MYZAP: variants seen among roughly 807,000 people sequenced by gnomAD.
The protein encoded by MYZAP is GRINL1A complex locus upstream.
Under a neutral mutation model 69.4 loss-of-function variants are expected in MYZAP, and 66 were observed. The observed-to-expected ratio is 0.95, with a 90% CI of 0.78 to 1.17. The LOEUF is 1.17. Among genes scored for constraint, MYZAP ranks in the 50% most tolerant of loss-of-function variants. MYZAP has a pLI of 0.00. For missense variants in MYZAP, 611 were observed against 556.2 expected (o/e 1.10, Z -0.99); for synonymous variants, 256 against 205.9 (o/e 1.24, Z -2.09).
rs71950892 is a variant in MYZAP, at chr15:57,680,485, TCACA to T, written c.1305-3888_1305-3885del. ...GGGGACTCACTGTGGGTTCAGGAGT[TCACA>T]CACACACACACACACACACACACAC... is the stretch of plus-strand genomic sequence containing the variant. On this transcript the variant is annotated intron_variant, in intron 12 of 12. Transcript: ENST00000267853. Among the ~76,000 whole-genome samples, 448 of 142,252 alleles carry T rather than the reference TCACA, an allele frequency of 3.1e-3. 2 individuals carry two copies. The highest frequency in any genetic ancestry group is 4.2e-3 in the East Asian group (21 of 5,038). 93.3% of individuals were successfully genotyped at this position (142,252 alleles called of 152,430 possible).
rs753815806 is a variant in MYZAP at position 57,625,787 on chromosome 15, T to C, written c.420T>C (p.His140=). The C allele has an allele frequency of 3.1e-6, 5 of 1,614,222 alleles. No individual in the cohort carries two copies. Among genetic ancestry groups the C allele is most frequent in the East Asian group, 4.5e-5 (2 of 44,892 alleles). ...CTCCTCGATCTGTCCAGGTTTCCCATGCTCAGCAGGAGTATCTGGAGAATC... is the reference window on the plus strand; with the variant it reads ...CTCCTCGATCTGTCCAGGTTTCCCACGCTCAGCAGGAGTATCTGGAGAATC... ...RQLTQELSVS[H]AQQEYLENHI... The change falls in exon 5 of 13, where the codon CAT becomes CAC. Residue 140 remains histidine (H), a synonymous_variant. Coordinates refer to ENST00000267853, the MANE Select transcript of MYZAP (RefSeq NM_001018100.5).
At chr15:57,653,882 G>A (rs1355183440) in intron 10 of MYZAP, among the ~76,000 whole-genome samples, 1 of 151,614 alleles carries the variant, frequency 6.6e-6, no homozygotes, top group Non-Finnish European at 1.5e-5. Context: ...GATCACACCT[G>A]TAATCCTAGC....
chr15:57,667,517 C>G (rs2038638808), intron 11 of MYZAP, among the ~76,000 whole-genome samples: 1 of 152,158 alleles, frequency 6.6e-6, no homozygotes, highest in Non-Finnish European at 1.5e-5. Context: ...TTTTTTGTAG[C>G]ACAGTCCAGG....
chr15:57,646,942 T>C, intron 10 of MYZAP: 1 of 985,404 alleles, frequency 1.0e-6, no homozygotes, highest in Non-Finnish European at 1.2e-6. Context: ...GCTGCAGGCA[T>C]TGGTGTTTTA....
rs150030731 is a variant in MYZAP at position 57,594,722 on chromosome 15, C to T, written c.75+2613C>T. ...ATGCATTTCTCAGAGTGCATCTCCA[C>T]GGTTAAGTGACACATGACTACTTTA... is the stretch of plus-strand genomic sequence containing the variant. On this transcript the variant is annotated intron_variant, in intron 1 of 12. Coordinates refer to ENST00000267853, the MANE Select transcript of MYZAP (RefSeq NM_001018100.5). 3.9e-5 allele frequency among the ~76,000 whole-genome samples: 6 copies of T among 152,234 alleles called. No individual in the cohort carries two copies. The East Asian group carries it at 9.6e-4, about 24-fold the overall frequency.
intron 10 of MYZAP, among the ~76,000 whole-genome samples, chr15:57,651,497 T>C (rs1382347165): frequency 6.6e-6 from 1 of 152,122 alleles, no homozygotes; most frequent in Non-Finnish European, 1.5e-5. Context: ...CTGCCAACTC[T>C]CCAGGCCAGC....
chr15:57,600,331 G>A (rs79499656), intron 1 of MYZAP, among the ~76,000 whole-genome samples: 2,415 of 152,270 alleles, frequency 0.016, 61 homozygotes, highest in African/African-American at 0.052. Flanking sequence ...CTTCAGACAG[G>A]GTGCTGCAGT....
chr15:57,683,129 A>T (rs2733611), intron 12 of MYZAP, among the ~76,000 whole-genome samples: 7,437 of 152,202 alleles, frequency 0.049, 520 homozygotes, highest in African/African-American at 0.15. Flanking sequence ...TTGCCTGAGG[A>T]GGCAGGGGAG....
intron 6 of MYZAP, among the ~76,000 whole-genome samples, chr15:57,632,033 C>A (rs893890207): frequency 2.0e-5 from 3 of 152,152 alleles, no homozygotes; most frequent in Non-Finnish European, 2.9e-5. Flanking sequence ...TGGAATGTTT[C>A]CAAAAGCAAC....
chr15:57,675,094 T>C, intron 12 of MYZAP, 26 bp downstream of exon 12: 1 of 1,584,736 alleles, frequency 6.3e-7, no homozygotes, highest in Non-Finnish European at 8.6e-7. Flanking sequence ...CTGATTTTTT[T>C]TTTTATTCAA....
chr15:57,592,981 C>G (rs2033781622), intron 1 of MYZAP, among the ~76,000 whole-genome samples: 1 of 152,132 alleles, frequency 6.6e-6, no homozygotes, highest in Non-Finnish European at 1.5e-5. Context: ...AAGTCCAAAG[C>G]AAAACCCCCA....
intron 4 of MYZAP, among the ~76,000 whole-genome samples, 181 bp downstream of exon 4, chr15:57,621,881 A>G (rs1192745743): frequency 1.3e-5 from 2 of 152,204 alleles, no homozygotes; most frequent in Non-Finnish European, 1.5e-5. Context: ...GGAAATTTTT[A>G]TGGTAAGAAT....
At chr15:57,616,252 T>C (rs1370390171) in intron 2 of MYZAP, among the ~76,000 whole-genome samples, 2 of 152,226 alleles carry the variant, frequency 1.3e-5, no homozygotes, top group Non-Finnish European at 2.9e-5. Context: ...AGGTGGCTCA[T>C]GCTTGTAATC....
At chr15:57,629,134 C>G (rs1233387506) in intron 5 of MYZAP, among the ~76,000 whole-genome samples, 1 of 149,824 alleles carries the variant, frequency 6.7e-6, no homozygotes, top group African/African-American at 2.4e-5. Context: ...AGGAATATCT[C>G]TATTCTATAA....
chr15:57,616,598 TGC>T (rs2035463435), intron 2 of MYZAP, among the ~76,000 whole-genome samples: 6 of 152,030 alleles, frequency 3.9e-5, no homozygotes, highest in Admixed American at 3.9e-4. Context: ...ATTGCGCCGC[TGC>T]TCTCCAACCT....
intron 1 of MYZAP, among the ~76,000 whole-genome samples, chr15:57,594,203 C>T (rs1381737784): frequency 2.6e-5 from 4 of 152,180 alleles, no homozygotes; most frequent in Non-Finnish European, 4.4e-5. Context: ...GCAGCCTCCA[C>T]CTCCCAGGTT....
intron 11 of MYZAP, 94 bp downstream of exon 11, chr15:57,661,627 AT>A: frequency 9.1e-7 from 1 of 1,104,366 alleles, no homozygotes. Flanking sequence ...AAATATGGCT[AT>A]TTCCCGGCCT....
At chr15:57,674,401 G>A (rs1221476890) in intron 11 of MYZAP, among the ~76,000 whole-genome samples, 1 of 152,180 alleles carries the variant, frequency 6.6e-6, no homozygotes, top group African/African-American at 2.4e-5. Flanking sequence ...ATATGTGTGA[G>A]ATTCTGAATT....
Position 57,629,803 on chromosome 15 carries a change from G to A in MYZAP, c.627G>A (p.Lys209=). 1.2e-6 allele frequency: 2 copies of A among 1,614,044 alleles called. No individual in the cohort carries two copies. The highest frequency in any genetic ancestry group is 1.3e-5 in the African/African-American group (1 of 75,034). The part of the protein sequence containing the change: ...YEASMDKLRE[K]QRQLEVAQVE... Reference sequence around the variant, plus strand: ...CATCCATGGACAAGCTGAGGGAAAAGCAGAGGCAGTTGGAGGTAGCGCAAG... The same window carrying A: ...CATCCATGGACAAGCTGAGGGAAAAACAGAGGCAGTTGGAGGTAGCGCAAG... The change falls in exon 6 of 13, where the codon AAG becomes AAA. Residue 209 remains lysine (K), a synonymous_variant. Transcript: ENST00000267853.
Sources: gnomAD v4.1 joint callset for allele counts (sites outside exome capture counted in the v4.1 genomes callset) on GRCh38, gnomAD v4.1.1 for gene constraint, MANE v1.5 for transcripts, NCBI Gene and HGNC (gene_info 2026-07-23, HGNC 2026-07-21) for gene names.